JARID2: variants seen among roughly 807,000 people sequenced by gnomAD.
JARID2 encodes protein Jumonji.
JARID2 carries 21 observed loss-of-function variants against 125.6 expected under a neutral mutation model. The ratio of observed to expected loss-of-function variants is 0.17; its 90% CI spans 0.12 to 0.24. JARID2 has a LOEUF of 0.24. Ranked by LOEUF, JARID2 falls within the 10% of genes least tolerant of loss-of-function variation. The probability of loss-of-function intolerance (pLI) is 1.00; values close to 1 mark genes in which losing one functional copy is unlikely to be tolerated. For missense variants in JARID2, 1,303 were observed against 1,639.6 expected (o/e 0.79, Z 3.55); for synonymous variants, 736 against 661.6 (o/e 1.11, Z -1.73).
intron 1 of JARID2, among the ~76,000 whole-genome samples, chr6:15,291,096 C>T (rs142347643): frequency 5.3e-5 from 8 of 152,042 alleles, no homozygotes; most frequent in East Asian, 1.9e-4. Flanking sequence ...ATTAATCAGC[C>T]GTGGCGGTGC....
intron 1 of JARID2, among the ~76,000 whole-genome samples, chr6:15,266,552 G>A (rs763665625): frequency 4.6e-5 from 7 of 152,184 alleles, no homozygotes; most frequent in Non-Finnish European, 7.3e-5. Context: ...TTGCACTTCC[G>A]TTGCTCAACG....
chr6:15,417,935 CCTCT>C (rs1439372825), intron 3 of JARID2, among the ~76,000 whole-genome samples: 3 of 152,086 alleles, frequency 2.0e-5, no homozygotes, highest in Non-Finnish European at 4.4e-5. Flanking sequence ...TTATATCTTT[CCTCT>C]CTGTCAGCCC....
In JARID2 at chr6:15,401,447, T is replaced by C. The variant is rs552073905; in HGVS notation, c.182-8777T>C. Among the ~76,000 whole-genome samples, 69 of 152,312 alleles carry C rather than the reference T, an allele frequency of 4.5e-4. 2 individuals carry two copies. The South Asian group carries it at 0.013, about 30-fold the overall frequency. On this transcript the variant is annotated intron_variant, in intron 2 of 17. Coordinates refer to ENST00000341776, the MANE Select transcript of JARID2 (RefSeq NM_004973.4). ...ATTTTATTACCAATTTATCTGATCATTTCCCAGCATTTAAAAATAAATGTT... is the reference window on the plus strand; with the variant it reads ...ATTTTATTACCAATTTATCTGATCACTTCCCAGCATTTAAAAATAAATGTT...
chr6:15,457,601 CTTT>C (rs35659046), intron 4 of JARID2, among the ~76,000 whole-genome samples: 3 of 127,100 alleles, frequency 2.4e-5, no homozygotes, highest in African/African-American at 2.8e-5. Context: ...GGATCCAGGT[CTTT>C]TTTTTTTTTT....
intron 2 of JARID2, among the ~76,000 whole-genome samples, chr6:15,389,230 A>G (rs1408841800): frequency 6.6e-6 from 1 of 152,222 alleles, no homozygotes; most frequent in Admixed American, 6.5e-5. Flanking sequence ...ACACGATCTC[A>G]GCTCACTGCA....
At position 15,421,739 on chromosome 6, in the gene JARID2, C is replaced by T. The variant is rs568316258; in HGVS notation, c.323+11374C>T. ...TCACATCTATAATGCCTGGACTTTG[C>T]CACTGTACCATGTCACCTTCCATAA... On this transcript the variant is annotated intron_variant, in intron 3 of 17. Coordinates refer to ENST00000341776, the MANE Select transcript of JARID2 (RefSeq NM_004973.4). Among the ~76,000 whole-genome samples, 16 of 152,298 alleles carry T rather than the reference C, an allele frequency of 1.1e-4. No homozygotes were observed. The South Asian group carries it at 3.3e-3, about 32-fold the overall frequency.
At chr6:15,296,823 T>C (rs1761433789) in intron 1 of JARID2, among the ~76,000 whole-genome samples, 2 of 152,234 alleles carry the variant, frequency 1.3e-5, no homozygotes, top group South Asian at 4.1e-4. Context: ...CCCCCTGTCT[T>C]GATCACTTTA....
intron 16 of JARID2, 59 bp downstream of exon 16, chr6:15,513,481 G>A: frequency 1.3e-6 from 2 of 1,496,394 alleles, no homozygotes; most frequent in South Asian, 1.3e-5. Context: ...GAGAGCTCCG[G>A]GGTTGCCCCC....
At chr6:15,344,933 AT>A (rs1470856121) in intron 1 of JARID2, among the ~76,000 whole-genome samples, 37 of 152,170 alleles carry the variant, frequency 2.4e-4, no homozygotes, top group African/African-American at 8.4e-4. Flanking sequence ...ATAGTTGAAG[AT>A]TTTAATTTTT....
chr6:15,378,991 T>C (rs1323583422), intron 2 of JARID2, among the ~76,000 whole-genome samples: 1 of 152,258 alleles, frequency 6.6e-6, no homozygotes, highest in African/African-American at 2.4e-5. Flanking sequence ...CTGGGAACAG[T>C]GTGTGGACAC....
chr6:15,397,381 G>A lies in JARID2; in HGVS notation c.182-12843G>A, dbSNP rs180879240. Among the ~76,000 whole-genome samples, 363 of 152,182 alleles carry A rather than the reference G, an allele frequency of 2.4e-3. 4 individuals carry two copies. The highest frequency in any genetic ancestry group is 8.4e-3 in the African/African-American group (349 of 41,516). On this transcript the variant is annotated intron_variant, in intron 2 of 17. Coordinates refer to ENST00000341776, the MANE Select transcript of JARID2 (RefSeq NM_004973.4). ...TGAAATTCTCTGGCACCATAACCTT[G>A]TACTCTCTTCTATCATACGACAATC...
At chr6:15,471,782 A>G (rs1020914894) in intron 5 of JARID2, among the ~76,000 whole-genome samples, 7 of 152,156 alleles carry the variant, frequency 4.6e-5, no homozygotes, top group African/African-American at 9.7e-5. Context: ...CATGGAGCAT[A>G]TGAAAGAAGG....
rs144952247 is a variant in JARID2 at position 15,269,921 on chromosome 6, C to T, written c.45+23337C>T. 1.9e-3 allele frequency among the ~76,000 whole-genome samples: 285 copies of T among 152,250 alleles called. 3 individuals are homozygous for T. The highest frequency in any genetic ancestry group is 0.015 in the Admixed American group (222 of 15,298). ...GTTTTGCTGGGAAATTGGTTAGCTT[C>T]GCTGCAACCTTGTCATTTCTTTCCT... On this transcript the variant is annotated intron_variant, in intron 1 of 17. Coordinates refer to ENST00000341776, the MANE Select transcript of JARID2 (RefSeq NM_004973.4).
intron 13 of JARID2, among the ~76,000 whole-genome samples, chr6:15,511,714 T>C (rs192221214): frequency 1.1e-4 from 16 of 152,338 alleles, no homozygotes; most frequent in African/African-American, 2.9e-4. Flanking sequence ...GCACAAAGGC[T>C]TCTTCACCTG....
At chr6:15,417,048 G>C (rs1183100746) in intron 3 of JARID2, among the ~76,000 whole-genome samples, 1 of 152,180 alleles carries the variant, frequency 6.6e-6, no homozygotes, top group East Asian at 1.9e-4. Flanking sequence ...TATATTTTTA[G>C]ATGCAAGTAA....
intron 1 of JARID2, among the ~76,000 whole-genome samples, chr6:15,258,500 A>G (rs971771141): frequency 1.3e-5 from 2 of 152,156 alleles, no homozygotes; most frequent in African/African-American, 2.4e-5. Flanking sequence ...AACTGTGACT[A>G]TAGCCGGACG....
rs892690794 is a variant in JARID2 at position 15,407,295 on chromosome 6, G to A, written c.182-2929G>A. Among the ~76,000 whole-genome samples the A allele has an allele frequency of 3.3e-5, 5 of 152,138 alleles. No homozygotes were observed. In the East Asian group the frequency reaches 9.7e-4, roughly 30 times the overall value. On this transcript the variant is annotated intron_variant, in intron 2 of 17. Transcript: ENST00000341776. ...CCACCCCCCAAAAAACAAGTCCCCA[G>A]AGCAGCCAAAGCAGCATTAGTGTCA...
intron 9 of JARID2, 127 bp from the exon 10 acceptor site, chr6:15,507,009 C>A: frequency 1.5e-6 from 1 of 669,204 alleles, no homozygotes; most frequent in Non-Finnish European, 2.7e-6. Flanking sequence ...AGACACTCTG[C>A]AAAGAGAGCG....
intron 1 of JARID2, among the ~76,000 whole-genome samples, chr6:15,345,070 A>G (rs886473714): frequency 3.3e-5 from 5 of 152,172 alleles, no homozygotes; most frequent in African/African-American, 7.2e-5. Flanking sequence ...AGGCTTAGGA[A>G]TGATAGTTGG....
Sources: allele counts gnomAD v4.1 joint callset (sites outside exome capture counted in the v4.1 genomes callset), GRCh38; gene constraint gnomAD v4.1.1; transcripts MANE v1.5; gene names NCBI Gene and HGNC (gene_info 2026-07-23, HGNC 2026-07-21).